Variants in PCCA observed in about 807,000 individuals in gnomAD.
PCCA encodes the protein propionyl-CoA carboxylase subunit alpha, also known as propionyl-CoA carboxylase alpha chain, mitochondrial.
A neutral mutation model predicts 101.3 loss-of-function variants in PCCA; 74 were observed. That is an observed-to-expected ratio of 0.73 (90% CI 0.61 to 0.89). The LOEUF (loss-of-function observed/expected upper bound fraction) is 0.89. Among genes scored for constraint, PCCA ranks in the 40% least tolerant of loss-of-function variants. The pLI is 0.00. For synonymous variants in PCCA, 294 were observed against 313.6 expected, an observed-to-expected ratio of 0.94 and a Z score of 0.66; for missense variants, 891 against 907.0, an observed-to-expected ratio of 0.98 and a Z score of 0.23.
chr13:100,391,474 G>T (rs1484671811), intron 19 of PCCA, among the ~76,000 whole-genome samples: 1 of 152,136 alleles, frequency 6.6e-6, no homozygotes, highest in Non-Finnish European at 1.5e-5. Flanking sequence ...AGAAGGGCTA[G>T]GCTAACCAAG....
chr13:100,328,735 T>G (rs1205783117), intron 16 of PCCA, among the ~76,000 whole-genome samples: 1 of 141,374 alleles, frequency 7.1e-6, no homozygotes. Context: ...GCTCCGTCGC[T>G]GAGGTGGGAG....
intron 4 of PCCA, among the ~76,000 whole-genome samples, chr13:100,112,672 G>A (rs894356285): frequency 6.6e-6 from 1 of 150,656 alleles, no homozygotes; most frequent in East Asian, 2.0e-4. Flanking sequence ...TGCCTCCTGG[G>A]TTCAAGCGAT....
intron 4 of PCCA, among the ~76,000 whole-genome samples, chr13:100,126,161 A>G (rs897757897): frequency 2.0e-5 from 3 of 152,236 alleles, no homozygotes; most frequent in Non-Finnish European, 4.4e-5. Context: ...GCCAAATTCA[A>G]TATGTATATG....
chr13:100,249,669 G>A (rs991946123), intron 8 of PCCA, among the ~76,000 whole-genome samples: 1 of 152,118 alleles, frequency 6.6e-6, no homozygotes, highest in Non-Finnish European at 1.5e-5. Context: ...CGTTGAGGAG[G>A]ATTGATATCT....
chr13:100,309,423 A>G (rs2066732280), intron 15 of PCCA, among the ~76,000 whole-genome samples: 1 of 152,140 alleles, frequency 6.6e-6, no homozygotes, highest in Non-Finnish European at 1.5e-5. Flanking sequence ...AAGAAAGGAA[A>G]GTGTTAGCTA....
At chr13:100,158,897 A>G (rs1594437480) in intron 6 of PCCA, among the ~76,000 whole-genome samples, 1 of 152,040 alleles carries the variant, frequency 6.6e-6, no homozygotes, top group East Asian at 1.9e-4. Context: ...ATGGTCCTTT[A>G]TACAAAAAGT....
rs763313656 is a variant in PCCA at position 100,368,482 on chromosome 13, A to G, written c.1654A>G (p.Ile552Val). The G allele has an allele frequency of 1.3e-6, 2 of 1,578,342 alleles. No homozygotes were observed. The highest frequency in any genetic ancestry group is 1.1e-5 in the South Asian group (1 of 89,962). The change falls in exon 19 of 24, where the codon ATT (isoleucine) becomes GTT (valine). Residue 552 changes from isoleucine to valine, a missense_variant. Transcript: ENST00000376285. The part of the protein sequence containing the change: ...HFQENSRMPV[I>V]KPDIANWELS... ...TTCATTCTACTTCAGAATGCCTGTT[A>G]TTAAACCAGACATAGCCAACTGGGA...
chr13:100,211,746 A>G (rs1274345261), intron 7 of PCCA, among the ~76,000 whole-genome samples: 1 of 150,682 alleles, frequency 6.6e-6, no homozygotes. Context: ...TTTTACTATT[A>G]TTATTATTTT....
intron 18 of PCCA, among the ~76,000 whole-genome samples, chr13:100,366,800 T>TA (rs1317652027): frequency 2.6e-5 from 4 of 152,094 alleles, no homozygotes; most frequent in African/African-American, 9.7e-5. Flanking sequence ...ATTTTTTTTT[T>TA]ACTTTTATTT....
chr13:100,203,753 T>C (rs1051326752), intron 6 of PCCA, among the ~76,000 whole-genome samples: 7 of 152,222 alleles, frequency 4.6e-5, no homozygotes, highest in African/African-American at 1.7e-4. Context: ...ATGTGTAAAA[T>C]TGGTTTTTCT....
intron 21 of PCCA, among the ~76,000 whole-genome samples, chr13:100,512,595 T>C (rs1280801543): frequency 6.6e-6 from 1 of 152,180 alleles, no homozygotes; most frequent in East Asian, 1.9e-4. Context: ...TCCGGCTCCA[T>C]GGCAGCCCAG....
chr13:100,335,687 G>C (rs2070336128), intron 17 of PCCA, among the ~76,000 whole-genome samples: 1 of 152,184 alleles, frequency 6.6e-6, no homozygotes, highest in Non-Finnish European at 1.5e-5. Flanking sequence ...TTGGACAAAG[G>C]ATCGAGGGAA....
At chr13:100,511,801 A>G (rs933599327) in intron 21 of PCCA, among the ~76,000 whole-genome samples, 3 of 152,164 alleles carry the variant, frequency 2.0e-5, no homozygotes, top group African/African-American at 7.2e-5. Context: ...CATTTAGCGC[A>G]TGGGGTCTGC....
intron 20 of PCCA, among the ~76,000 whole-genome samples, chr13:100,442,470 T>C (rs2080448385): frequency 6.6e-6 from 1 of 152,228 alleles, no homozygotes; most frequent in Admixed American, 6.5e-5. Context: ...AATGTGAAAA[T>C]TTGTTTCCAT....
chr13:100,276,213 C>CAAAAAAAAA (rs59671834), intron 12 of PCCA, among the ~76,000 whole-genome samples: 13 of 102,134 alleles, frequency 1.3e-4, no homozygotes, highest in East Asian at 2.5e-4. Context: ...TTGTCTGTAC[C>CAAAAAAAAA]AAAAAAAAAA....
At chr13:100,387,142 A>C (rs1240618367) in intron 19 of PCCA, among the ~76,000 whole-genome samples, 1 of 152,168 alleles carries the variant, frequency 6.6e-6, no homozygotes, top group African/African-American at 2.4e-5. Context: ...TTTGGCTAGC[A>C]CTTCCAACTC....
At chr13:100,341,957 GTA>G (rs35822001) in intron 18 of PCCA, among the ~76,000 whole-genome samples, 44,785 of 107,126 alleles carry the variant, frequency 0.42, 9,020 homozygotes, top group East Asian at 0.66. Flanking sequence ...ACCCTTCAAA[GTA>G]TATATATATA....
chr13:100,268,808 A>G, intron 11 of PCCA, 25 bp downstream of exon 11: 1 of 1,498,752 alleles, frequency 6.7e-7, no homozygotes, highest in Non-Finnish European at 9.3e-7. Context: ...AAACATTTAT[A>G]AAGCGGCTGC....
chr13:100,317,707 C>T (rs2067521060), intron 16 of PCCA, among the ~76,000 whole-genome samples: 1 of 152,172 alleles, frequency 6.6e-6, no homozygotes, highest in Non-Finnish European at 1.5e-5. Flanking sequence ...CCACCTCAAC[C>T]TCCCTGGTAG....
Sources: allele counts gnomAD v4.1 joint callset (sites outside exome capture counted in the v4.1 genomes callset), GRCh38; gene constraint gnomAD v4.1.1; transcripts MANE v1.5; gene names NCBI Gene and HGNC (gene_info 2026-07-23, HGNC 2026-07-21).